The following USP40 variants were observed in gnomAD, a reference collection of about 807,000 sequenced individuals.
USP40 encodes the protein ubiquitin specific peptidase 40.
USP40 carries 143 observed loss-of-function variants against 166.2 expected under a neutral mutation model. The observed-to-expected ratio is 0.86, with a 90% CI of 0.75 to 0.99. The LOEUF (loss-of-function observed/expected upper bound fraction) is 0.99, where lower values mean the gene tolerates loss of function less well. Ranked by LOEUF, USP40 falls within the 50% of genes least tolerant of loss-of-function variation. USP40 has a pLI of 0.00. For missense variants in USP40, 1,444 were observed against 1,479.7 expected, an observed-to-expected ratio of 0.98 and a Z score of 0.40; for synonymous variants, 498 against 524.0, an observed-to-expected ratio of 0.95 and a Z score of 0.68.
rs1257669049 is a variant in USP40, at chr2:233,480,090, C to A, written c.3599+1113G>T. 6.6e-6 allele frequency among the ~76,000 whole-genome samples: 1 copy of A among 152,216 alleles called. No individual in the cohort carries two copies. Among genetic ancestry groups the A allele is most frequent in the East Asian group, 1.9e-4 (1 of 5,192 alleles). On this transcript the variant is annotated intron_variant, in intron 31 of 31. Coordinates refer to ENST00000678225, the MANE Select transcript of USP40 (RefSeq NM_001365479.2). This position sits in a 1 kb window ranked among gnomAD's most constrained non-coding sequence, Gnocchi z 4.5. The stretch of plus-strand genomic sequence containing the variant: ...GCAGCCTCTAACCACGCTCGAACCC[C>A]CACTTCTGCCATGGTCACGAGGTCA...
intron 7 of USP40, among the ~76,000 whole-genome samples, chr2:233,549,732 T>C (rs2070378111): frequency 6.6e-6 from 1 of 152,104 alleles, no homozygotes; most frequent in African/African-American, 2.4e-5. Context: ...AGATCAACTA[T>C]CACCCCTCCT....
intron 6 of USP40, among the ~76,000 whole-genome samples, chr2:233,552,897 C>T (rs1305347661): frequency 1.3e-5 from 2 of 152,048 alleles, no homozygotes; most frequent in African/African-American, 2.4e-5. Context: ...ATGAAGTGAC[C>T]GCATAAATAT....
intron 30 of USP40, among the ~76,000 whole-genome samples, chr2:233,481,961 G>A (rs985495322): frequency 6.6e-6 from 1 of 152,208 alleles, no homozygotes; most frequent in African/African-American, 2.4e-5. Context: ...CAGGGTCTGC[G>A]GGGTTCGTGC....
At position 233,480,469 on chromosome 2, in the gene USP40, C is replaced by T. The variant is rs567668071; in HGVS notation, c.3599+734G>A. On this transcript the variant is annotated intron_variant, in intron 31 of 31. Transcript: ENST00000678225. This position sits in a 1 kb window ranked among gnomAD's most constrained non-coding sequence, Gnocchi z 4.5. ...TGTGGTGGTGGTGAGCTGAGCAGTG[C>T]GAACTGAGCCTCACGCCCCAGTTCC... is the stretch of plus-strand genomic sequence containing the variant. Among the ~76,000 whole-genome samples the T allele has an allele frequency of 5.3e-5, 8 of 152,274 alleles. No individual in the cohort carries two copies. The highest frequency in any genetic ancestry group is 2.0e-4 in the Admixed American group (3 of 15,304).
intron 22 of USP40, among the ~76,000 whole-genome samples, chr2:233,499,355 C>A (rs1218087213): frequency 6.6e-6 from 1 of 152,176 alleles, no homozygotes; most frequent in Non-Finnish European, 1.5e-5. Flanking sequence ...CTTTCTATGG[C>A]TGCACAGTAT....
chr2:233,519,128 A>C (rs1047491787), intron 18 of USP40, among the ~76,000 whole-genome samples: 2 of 152,186 alleles, frequency 1.3e-5, no homozygotes, highest in Non-Finnish European at 2.9e-5. Context: ...GGGTACAGGG[A>C]TATTTTTGGA....
chr2:233,554,594 A>G, intron 5 of USP40, 68 bp from the exon 6 acceptor site: 1 of 1,269,194 alleles, frequency 7.9e-7, no homozygotes, highest in South Asian at 1.7e-5. Context: ...ATCAACTCAC[A>G]TATATATTGG....
chr2:233,535,666 G>A (rs2068880474), intron 10 of USP40, among the ~76,000 whole-genome samples: 1 of 152,128 alleles, frequency 6.6e-6, no homozygotes, highest in Non-Finnish European at 1.5e-5. Context: ...AGAATGCAAT[G>A]CAAAGCTCTT....
chr2:233,517,379 G>GTTTTGT (rs2067275597), intron 18 of USP40, among the ~76,000 whole-genome samples: 1 of 137,142 alleles, frequency 7.3e-6, no homozygotes, highest in African/African-American at 2.8e-5. Context: ...CACATGCATG[G>GTTTTGT]TTTTTTGTTT....
chr2:233,552,135 T>C (rs2070624582), intron 6 of USP40, among the ~76,000 whole-genome samples: 1 of 151,370 alleles, frequency 6.6e-6, no homozygotes, highest in Non-Finnish European at 1.5e-5. Flanking sequence ...ATATATAAAA[T>C]TACCCATAAT....
intron 25 of USP40, among the ~76,000 whole-genome samples, chr2:233,492,198 G>A (rs925479191): frequency 1.3e-5 from 2 of 152,136 alleles, no homozygotes; most frequent in African/African-American, 2.4e-5. Flanking sequence ...GTTATGATTC[G>A]CCTTCAGTAT....
Position 233,512,567 on chromosome 2 carries a change from AC to A in USP40, c.2437+1del. On this transcript the variant is annotated splice_donor_variant, in intron 19 of 31. Transcript: ENST00000678225. LOFTEE classifies it high-confidence loss of function. ...CTTTTGAAAGTTATCAAAAAGATTT[AC>A]CTGGACAAAGAAGCTTCCCATTTCT... 1 of 1,580,048 alleles carries A rather than the reference AC, an allele frequency of 6.3e-7. No individual in the cohort carries two copies. Among genetic ancestry groups the A allele is most frequent in the Non-Finnish European group, 8.6e-7 (1 of 1,164,230 alleles).
At chr2:233,543,995 C>A (rs1264167320) in intron 8 of USP40, among the ~76,000 whole-genome samples, 1 of 152,198 alleles carries the variant, frequency 6.6e-6, no homozygotes, top group East Asian at 1.9e-4. Context: ...GTATTCAATT[C>A]TGACACTATC....
intron 18 of USP40, among the ~76,000 whole-genome samples, chr2:233,514,872 G>C (rs1318867996): frequency 6.6e-6 from 1 of 152,180 alleles, no homozygotes; most frequent in Non-Finnish European, 1.5e-5. Flanking sequence ...GGTATAGTTT[G>C]CATCATCCCC....
chr2:233,493,261 G>A lies in USP40; in HGVS notation c.2917+164C>T, dbSNP rs2065463840. The A allele has an allele frequency of 1.1e-6, 1 of 944,708 alleles. No homozygotes were observed. Among genetic ancestry groups the A allele is most frequent in the African/African-American group, 1.6e-5 (1 of 60,780 alleles). 58.5% of individuals were successfully genotyped at this position (944,708 alleles called of 1,614,324 possible). A position where few individuals can be genotyped will look rare whatever the true frequency, so the allele number is the denominator to read the frequency against. ...AGAGCACGTACAGAAATGGCACAGTGTTATTATTATGTGATGTCTGGAATG... is the reference window on the plus strand; with the variant it reads ...AGAGCACGTACAGAAATGGCACAGTATTATTATTATGTGATGTCTGGAATG... On this transcript the variant is annotated intron_variant, in intron 25 of 31. Coordinates refer to ENST00000678225, the MANE Select transcript of USP40 (RefSeq NM_001365479.2). This position sits in a 1 kb window ranked among gnomAD's most constrained non-coding sequence, Gnocchi z 4.7.
chr2:233,559,795 G>A lies in USP40; in HGVS notation c.381+16C>T. Reference sequence around the variant, plus strand: ...CTATTGCTGGTAACTCTTCCTTAAAGAGCTGATCCTCGTACCTCATTACTG... The same window carrying A: ...CTATTGCTGGTAACTCTTCCTTAAAAAGCTGATCCTCGTACCTCATTACTG... On this transcript the variant is annotated intron_variant, in intron 4 of 31. Transcript: ENST00000678225. 6.4e-7 allele frequency: 1 copy of A among 1,566,924 alleles called. No individual in the cohort carries two copies. The highest frequency in any genetic ancestry group is 1.2e-5 in the South Asian group (1 of 85,140).
intron 21 of USP40, among the ~76,000 whole-genome samples, chr2:233,509,329 A>G (rs2066637887): frequency 6.6e-6 from 1 of 152,188 alleles, no homozygotes. Flanking sequence ...CAGCAATATA[A>G]TTATTTACTT....
chr2:233,484,936 G>A (rs1282947561), intron 30 of USP40, among the ~76,000 whole-genome samples: 1 of 152,184 alleles, frequency 6.6e-6, no homozygotes, highest in Non-Finnish European at 1.5e-5. Context: ...GCGGTTAGGG[G>A]AATCCTTACT....
chr2:233,539,940 C>G (rs932106080), intron 10 of USP40, among the ~76,000 whole-genome samples: 1 of 151,886 alleles, frequency 6.6e-6, no homozygotes, highest in African/African-American at 2.4e-5. Context: ...TTGAGACCAG[C>G]CTGGGTGACA....
Sources: gnomAD v4.1 joint callset for allele counts (sites outside exome capture counted in the v4.1 genomes callset) on GRCh38, gnomAD v4.1.1 for gene constraint, Gnocchi (gnomAD v3.1) non-coding constraint, MANE v1.5 for transcripts, NCBI Gene and HGNC (gene_info 2026-07-23, HGNC 2026-07-21) for gene names.